The following XKR6 variants were observed in gnomAD, a reference collection of about 807,000 sequenced individuals.
XKR6 encodes XK-related protein 6.
XKR6 carries 22 observed loss-of-function variants against 56.7 expected under a neutral mutation model. The observed-to-expected ratio is 0.39, with a 90% CI of 0.28 to 0.55. XKR6 has a LOEUF of 0.55. Ranked by LOEUF, XKR6 falls within the 20% of genes least tolerant of loss-of-function variation. The pLI, the probability that XKR6 is intolerant of heterozygous loss-of-function variation, is 0.66. For synonymous variants in XKR6, 524 were observed against 387.8 expected (o/e 1.35, Z -4.13); for missense variants, 852 against 889.0 (o/e 0.96, Z 0.53).
intron 1 of XKR6, among the ~76,000 whole-genome samples, chr8:10,950,886 T>G (rs1408403718): frequency 6.6e-6 from 1 of 152,128 alleles, no homozygotes; most frequent in Non-Finnish European, 1.5e-5. Context: ...ATTGCACAGG[T>G]ACTGTCACTA....
At chr8:11,059,857 G>A (rs914762219) in intron 1 of XKR6, among the ~76,000 whole-genome samples, 1 of 152,108 alleles carries the variant, frequency 6.6e-6, no homozygotes, top group African/African-American at 2.4e-5. Context: ...GAAGGGAGGT[G>A]GCGCGCAGGG....
intron 1 of XKR6, among the ~76,000 whole-genome samples, chr8:11,154,419 G>T (rs527267276): frequency 6.6e-6 from 1 of 152,366 alleles, no homozygotes; most frequent in Admixed American, 6.5e-5. Flanking sequence ...GAGAACGGAA[G>T]ATTCACATTA....
intron 1 of XKR6, among the ~76,000 whole-genome samples, chr8:10,938,070 C>T (rs1801278986): frequency 6.6e-6 from 1 of 152,202 alleles, no homozygotes; most frequent in Non-Finnish European, 1.5e-5. Context: ...GGGCGTAGGA[C>T]CCTCCGAGCC....
At chr8:10,952,337 A>C (rs188082867) in intron 1 of XKR6, among the ~76,000 whole-genome samples, 1 of 152,252 alleles carries the variant, frequency 6.6e-6, no homozygotes, top group Non-Finnish European at 1.5e-5. Flanking sequence ...TGCTCATTGT[A>C]TGCACAGTCC....
intron 2 of XKR6, among the ~76,000 whole-genome samples, chr8:10,920,477 C>T (rs531108154): frequency 2.6e-5 from 4 of 152,350 alleles, no homozygotes; most frequent in African/African-American, 7.2e-5. Context: ...CAGCTTTCTA[C>T]GCTGCGACCC....
intron 2 of XKR6, among the ~76,000 whole-genome samples, chr8:10,905,189 C>G (rs1032090968): frequency 1.3e-5 from 2 of 152,170 alleles, no homozygotes; most frequent in African/African-American, 4.8e-5. Context: ...CTTCTCCAAG[C>G]TTCCCGAAGG....
At chr8:11,091,996 T>C (rs548394853) in intron 1 of XKR6, among the ~76,000 whole-genome samples, 1 of 152,340 alleles carries the variant, frequency 6.6e-6, no homozygotes, top group East Asian at 1.9e-4. Context: ...TCAGAATTTT[T>C]TCGCCCTTAG....
chr8:10,933,474 C>T (rs1339383304), intron 1 of XKR6, among the ~76,000 whole-genome samples: 2 of 128,658 alleles, frequency 1.6e-5, no homozygotes, highest in Admixed American at 7.3e-5. Context: ...TCCTTGCCCA[C>T]GCCTATGTCC....
chr8:11,147,994 G>C (rs370798312), intron 1 of XKR6, among the ~76,000 whole-genome samples: 16 of 152,056 alleles, frequency 1.1e-4, no homozygotes, highest in East Asian at 5.8e-4. Flanking sequence ...AGGATCACTT[G>C]AGGTCAGGAG....
intron 1 of XKR6, among the ~76,000 whole-genome samples, chr8:11,099,687 T>C (rs1197342570): frequency 6.6e-6 from 1 of 152,246 alleles, no homozygotes; most frequent in African/African-American, 2.4e-5. Context: ...GAATTTCTAA[T>C]GTGTCTCACG....
At chr8:11,047,749 C>T (rs778937057) in intron 1 of XKR6, among the ~76,000 whole-genome samples, 2 of 152,122 alleles carry the variant, frequency 1.3e-5, no homozygotes, top group South Asian at 2.1e-4. Flanking sequence ...CCAAACGATA[C>T]GTTTACAGAT....
At chr8:11,129,274 A>G (rs1324988819) in intron 1 of XKR6, among the ~76,000 whole-genome samples, 1 of 152,216 alleles carries the variant, frequency 6.6e-6, no homozygotes, top group South Asian at 2.1e-4. Flanking sequence ...TTCACCTCAA[A>G]AGGCTATTTC....
chr8:11,168,524 A>G lies in XKR6; in HGVS notation c.764+32052T>C, dbSNP rs1450004279. ...ATAAATAGGGAAACAGAGAATTTGT[A>G]CAACACATAAACCAACTAGATCTAA... On this transcript the variant is annotated intron_variant, in intron 1 of 2. Coordinates refer to ENST00000416569, the MANE Select transcript of XKR6 (RefSeq NM_173683.4). Among the ~76,000 whole-genome samples, 3 of 152,332 alleles carry G rather than the reference A, an allele frequency of 2.0e-5. No homozygotes were observed. In the East Asian group the frequency reaches 5.8e-4, roughly 29 times the overall value.
At chr8:11,101,279 A>G (rs1361460651) in intron 1 of XKR6, among the ~76,000 whole-genome samples, 1 of 152,358 alleles carries the variant, frequency 6.6e-6, no homozygotes, top group East Asian at 1.9e-4. Flanking sequence ...CAAGAATTGT[A>G]AACTGCTGGA....
chr8:11,032,505 A>G (rs1015585537), intron 1 of XKR6, among the ~76,000 whole-genome samples: 3 of 152,202 alleles, frequency 2.0e-5, no homozygotes, highest in Non-Finnish European at 2.9e-5. Context: ...ATAAGAAAAA[A>G]TAAAATCTTT....
intron 2 of XKR6, among the ~76,000 whole-genome samples, chr8:10,904,812 T>C (rs1309206132): frequency 1.3e-5 from 2 of 152,114 alleles, no homozygotes; most frequent in African/African-American, 4.8e-5. Flanking sequence ...CTAGAGATGG[T>C]CACCAACTGC....
At chr8:10,915,476 G>C (rs927663799) in intron 2 of XKR6, among the ~76,000 whole-genome samples, 1 of 151,334 alleles carries the variant, frequency 6.6e-6, no homozygotes, top group Non-Finnish European at 1.5e-5. Flanking sequence ...TCACTGTCAT[G>C]AAACCCATTG....
At chr8:11,103,274 TG>T (rs1239027128) in intron 1 of XKR6, among the ~76,000 whole-genome samples, 3 of 152,202 alleles carry the variant, frequency 2.0e-5, no homozygotes, top group Non-Finnish European at 4.4e-5. Flanking sequence ...TTGCTTATGC[TG>T]GTAGTGTGAA....
In XKR6 at chr8:11,137,876, A is replaced by C. The variant is rs1397048607; in HGVS notation, c.764+62700T>G. 8.9e-5 allele frequency: 32 copies of C among 361,282 alleles called. No homozygotes were observed. The East Asian group carries it at 2.2e-3, about 25-fold the overall frequency. The allele number at this position is 361,282 out of a possible 1,614,324, so 22.4% of individuals were successfully genotyped here. A position where few individuals can be genotyped will look rare whatever the true frequency, so the allele number is the denominator to read the frequency against. On this transcript the variant is annotated intron_variant, in intron 1 of 2. Coordinates refer to ENST00000416569, the MANE Select transcript of XKR6 (RefSeq NM_173683.4). The stretch of plus-strand genomic sequence containing the variant: ...AATAATGGAAAAAGACTGATATATT[A>C]AATAAACTAAAGAATAAGACTTAGG...
Sources: gnomAD v4.1 joint callset for allele counts (sites outside exome capture counted in the v4.1 genomes callset) on GRCh38, gnomAD v4.1.1 for gene constraint, MANE v1.5 for transcripts, NCBI Gene and HGNC (gene_info 2026-07-23, HGNC 2026-07-21) for gene names.